The following FIRRM variants were observed in gnomAD, a reference collection of about 807,000 sequenced individuals.
FIRRM encodes the protein FIGNL1 interacting regulator of recombination and mitosis.
the FIRRM span, chr1:169,830,291 T>C: frequency 1.9e-6 from 3 of 1,613,852 alleles, no homozygotes; most frequent in Non-Finnish European, 2.5e-6. Flanking sequence ...TACTTAGTGC[T>C]AATATGATCA....
chr1:169,841,636 AT>A, the FIRRM span, among the ~76,000 whole-genome samples: 2 of 152,186 alleles, frequency 1.3e-5, no homozygotes, highest in African/African-American at 4.8e-5. Context: ...AAATACTAGT[AT>A]TTTTTAAGTA....
At chr1:169,794,943 T>G in the FIRRM span, 1 of 615,752 alleles carries the variant, frequency 1.6e-6, no homozygotes, top group Non-Finnish European at 2.9e-6. Context: ...AAGCCCGACT[T>G]TCTTTCCGGC....
At chr1:169,849,669 A>G in the FIRRM span, 1 of 1,284,982 alleles carries the variant, frequency 7.8e-7, no homozygotes, top group Admixed American at 1.8e-5. Flanking sequence ...ATATTCCAGA[A>G]CAATCCCAAA....
At chr1:169,784,650 C>A in the FIRRM span, among the ~76,000 whole-genome samples, 1 of 152,112 alleles carries the variant, frequency 6.6e-6, no homozygotes, top group African/African-American at 2.4e-5. Flanking sequence ...AGTTAATCTC[C>A]GAACCTTCAT....
chr1:169,826,248 T>C, the FIRRM span: 1 of 157,570 alleles, frequency 6.3e-6, no homozygotes, highest in Non-Finnish European at 1.4e-5. Flanking sequence ...AATTTTGTAT[T>C]TTTAGTAGAG....
chr1:169,798,951 GC>G, the FIRRM span: 1 of 1,292,776 alleles, frequency 7.7e-7, no homozygotes, highest in Non-Finnish European at 1.1e-6. Flanking sequence ...GTTGGATTGA[GC>G]ATATTCGTAA....
chr1:169,791,795 A>G, the FIRRM span, among the ~76,000 whole-genome samples: 1 of 152,214 alleles, frequency 6.6e-6, no homozygotes, highest in Non-Finnish European at 1.5e-5. Context: ...AAATGCTGTC[A>G]GTTTTACTGT....
the FIRRM span, among the ~76,000 whole-genome samples, chr1:169,828,090 A>G: frequency 6.6e-6 from 1 of 152,246 alleles, no homozygotes; most frequent in African/African-American, 2.4e-5. Flanking sequence ...GGTCAGCATT[A>G]TAAACATTGA....
At chr1:169,821,554 A>G in the FIRRM span, 1 of 552,854 alleles carries the variant, frequency 1.8e-6, no homozygotes, top group Non-Finnish European at 3.0e-6. Flanking sequence ...GAAAAATTTT[A>G]TACTGTGTTT....
At chr1:169,842,762 ACCTAC>A in the FIRRM span, among the ~76,000 whole-genome samples, 1 of 152,268 alleles carries the variant, frequency 6.6e-6, no homozygotes, top group South Asian at 2.1e-4. Context: ...ATGGCAGTCC[ACCTAC>A]TTACTTTCCT....
At chr1:169,838,847 G>T in the FIRRM span, among the ~76,000 whole-genome samples, 1 of 152,072 alleles carries the variant, frequency 6.6e-6, no homozygotes, top group Non-Finnish European at 1.5e-5. Context: ...TGGTTTTATT[G>T]CGTGATGCTG....
At chr1:169,792,491 A>G in the FIRRM span, 1 of 1,252,656 alleles carries the variant, frequency 8.0e-7, no homozygotes, top group Non-Finnish European at 1.1e-6. Flanking sequence ...TCAAAATTTC[A>G]GAAAAAATAA....
At chr1:169,793,553 C>T in the FIRRM span, 4 of 1,614,188 alleles carry the variant, frequency 2.5e-6, no homozygotes, top group Middle Eastern at 1.6e-4. Context: ...TTCTGCAGAA[C>T]ATTTTCTGTC....
chr1:169,793,237 A>T, the FIRRM span: 51 of 1,614,068 alleles, frequency 3.2e-5, no homozygotes, highest in Non-Finnish European at 4.2e-5. Flanking sequence ...GATCAGAGTG[A>T]GAAGAAAAGC....
the FIRRM span, among the ~76,000 whole-genome samples, chr1:169,838,292 C>T: frequency 6.6e-6 from 1 of 151,912 alleles, no homozygotes; most frequent in Admixed American, 6.6e-5. Context: ...GTATCAAATA[C>T]CTAGTTAAGA....
At chr1:169,817,645 C>T in the FIRRM span, among the ~76,000 whole-genome samples, 1 of 151,966 alleles carries the variant, frequency 6.6e-6, no homozygotes, top group Non-Finnish European at 1.5e-5. Flanking sequence ...GATGTTAACC[C>T]CAATTCTTAA....
At chr1:169,842,163 A>T in the FIRRM span, among the ~76,000 whole-genome samples, 1 of 150,850 alleles carries the variant, frequency 6.6e-6, no homozygotes, top group Admixed American at 6.6e-5. Flanking sequence ...TGACGGAGTG[A>T]GATGCCATCT....
the FIRRM span, chr1:169,830,577 A>T: frequency 1.0e-6 from 1 of 983,040 alleles, no homozygotes; most frequent in East Asian, 2.5e-5. Context: ...TTATTTGGTC[A>T]TGGAAATAAT....
At chr1:169,825,257 T>C in the FIRRM span, among the ~76,000 whole-genome samples, 1 of 152,258 alleles carries the variant, frequency 6.6e-6, no homozygotes, top group Non-Finnish European at 1.5e-5. Context: ...AATCAGATGA[T>C]GTGACTTCTC....
Sources: gnomAD v4.1 joint callset for allele counts (sites outside exome capture counted in the v4.1 genomes callset) on GRCh38, gnomAD v4.1.1 for gene constraint, MANE v1.5 for transcripts, NCBI Gene and HGNC (gene_info 2026-07-23, HGNC 2026-07-21) for gene names.